Variants in SPECC1L observed in about 807,000 individuals in gnomAD.
The protein encoded by SPECC1L is cytospin-A.
Under a neutral mutation model 116.8 loss-of-function variants are expected in SPECC1L, and 40 were observed. That is an observed-to-expected ratio of 0.34 (90% CI 0.27 to 0.45). SPECC1L has a LOEUF of 0.45. Among genes scored for constraint, SPECC1L ranks in the 20% least tolerant of loss-of-function variants. The pLI is 1.00. For synonymous variants in SPECC1L, 504 were observed against 500.6 expected, an observed-to-expected ratio of 1.01 and a Z score of -0.09; for missense variants, 1,110 against 1,373.6, an observed-to-expected ratio of 0.81 and a Z score of 3.03.
At chr22:24,321,192 A>G (rs1257108968) in intron 4 of SPECC1L, 96 bp from the exon 5 acceptor site, 3 of 1,101,036 alleles carry the variant, frequency 2.7e-6, no homozygotes, top group Non-Finnish European at 3.6e-6. Context: ...TAGATCCTGG[A>G]TTTCATCTCA....
chr22:24,292,344 T>C (rs4049949), intron 2 of SPECC1L, among the ~76,000 whole-genome samples: 3 of 152,238 alleles, frequency 2.0e-5, no homozygotes, highest in Non-Finnish European at 2.9e-5. Flanking sequence ...AATAAGTTGC[T>C]GTCCCTAACC....
intron 4 of SPECC1L, among the ~76,000 whole-genome samples, chr22:24,313,938 C>A (rs909974681): frequency 6.6e-6 from 1 of 151,960 alleles, no homozygotes; most frequent in Non-Finnish European, 1.5e-5. Context: ...GGGGTTTCAC[C>A]ATGTTGGTCA....
intron 2 of SPECC1L, among the ~76,000 whole-genome samples, chr22:24,288,615 CTTTTTTTTTTTTTTTTT>C (rs756714389): frequency 1.8e-4 from 11 of 61,674 alleles, no homozygotes; most frequent in Non-Finnish European, 2.6e-4. Flanking sequence ...AAATTTTAAG[CTTTTTTTTTTTTTTTTT>C]TTTTTTTTTT....
intron 14 of SPECC1L, among the ~76,000 whole-genome samples, chr22:24,385,142 C>A (rs140279416): frequency 0.027 from 4,104 of 150,998 alleles, 75 homozygotes; most frequent in Non-Finnish European, 0.039. Context: ...TTGAAATGAT[C>A]ATATTTTTAA....
intron 4 of SPECC1L, among the ~76,000 whole-genome samples, chr22:24,317,305 C>CA (rs2040602716): frequency 1.0e-5 from 1 of 98,742 alleles, no homozygotes; most frequent in African/African-American, 3.6e-5. Flanking sequence ...GCTGGCCAGG[C>CA]GGGGGGCTGA....
chr22:24,316,604 C>T lies in SPECC1L; in HGVS notation c.307+3138C>T, dbSNP rs5751845. On this transcript the variant is annotated intron_variant, in intron 4 of 16. Transcript: ENST00000314328. ...GAGCACAGGGTTGGGGGTAAGGTCA[C>T]AGATCAACAGGATCCCAAGGCAGAA... Among the ~76,000 whole-genome samples, 1,262 of 144,784 alleles carry T rather than the reference C, an allele frequency of 8.7e-3. 15 individuals carry two copies. The highest frequency in any genetic ancestry group is 0.032 in the South Asian group (132 of 4,134). 95.0% of individuals were successfully genotyped at this position (144,784 alleles called of 152,430 possible).
At chr22:24,382,686 C>CA in intron 14 of SPECC1L, among the ~76,000 whole-genome samples, 1 of 117,278 alleles carries the variant, frequency 8.5e-6, no homozygotes, top group African/African-American at 3.3e-5. Flanking sequence ...GCCTGGGCAA[C>CA]AGAGCAAGAC....
intron 9 of SPECC1L, among the ~76,000 whole-genome samples, chr22:24,337,866 A>G (rs2041091682): frequency 2.6e-5 from 4 of 152,212 alleles, no homozygotes; most frequent in Admixed American, 2.6e-4. Context: ...AGAGACTGAT[A>G]TGCCAACAAG....
In SPECC1L at chr22:24,294,020, T is replaced by G. The variant is rs548315833; in HGVS notation, c.-37-8175T>G. 1.2e-4 allele frequency among the ~76,000 whole-genome samples: 3 copies of G among 25,552 alleles called. No homozygotes were observed. The East Asian group carries it at 1.9e-3, about 16-fold the overall frequency. The allele number at this position is 25,552 out of a possible 152,430, so 16.8% of individuals were successfully genotyped here. ...AGTCAGGTTATAGGACTGCACGGCT[T>G]TTATTCACCGTCCTGTGTCACATGA... On this transcript the variant is annotated intron_variant, in intron 2 of 16. Coordinates refer to ENST00000314328, the MANE Select transcript of SPECC1L (RefSeq NM_015330.6).
At chr22:24,296,063 A>T (rs575500748) in intron 2 of SPECC1L, among the ~76,000 whole-genome samples, 3 of 152,350 alleles carry the variant, frequency 2.0e-5, no homozygotes, top group African/African-American at 7.2e-5. Flanking sequence ...TATGTTGTGA[A>T]ATATTCATTG....
rs1020920098 is a variant in SPECC1L, at chr22:24,322,933, G to C, written c.1938+15G>C. 6.2e-7 allele frequency: 1 copy of C among 1,613,462 alleles called. No individual in the cohort carries two copies. The highest frequency in any genetic ancestry group is 8.5e-7 in the Non-Finnish European group (1 of 1,179,842). On this transcript the variant is annotated intron_variant, in intron 5 of 16. Coordinates refer to ENST00000314328, the MANE Select transcript of SPECC1L (RefSeq NM_015330.6). ...CCATTGCTAAGGTATTGTTTAAATA[G>C]ATTAAAATGTTCCGGACAGCATTAG...
At chr22:24,396,454 C>A (rs536433132) in intron 14 of SPECC1L, among the ~76,000 whole-genome samples, 10 of 152,126 alleles carry the variant, frequency 6.6e-5, no homozygotes, top group African/African-American at 2.2e-4. Context: ...TCTGCCACCA[C>A]GCCCAGCTAA....
chr22:24,355,469 A>C (rs2041513822), intron 11 of SPECC1L, among the ~76,000 whole-genome samples: 1 of 151,472 alleles, frequency 6.6e-6, no homozygotes, highest in African/African-American at 2.4e-5. Context: ...CCACCCACCT[A>C]CCTACCTACC....
At chr22:24,320,036 G>A (rs2040689539) in intron 4 of SPECC1L, among the ~76,000 whole-genome samples, 1 of 152,242 alleles carries the variant, frequency 6.6e-6, no homozygotes, top group Non-Finnish European at 1.5e-5. Flanking sequence ...CACGCTGGGA[G>A]ACCGACGCGG....
rs397955926 is a variant in SPECC1L, at chr22:24,272,666, C to CAA, written c.-142+1697_-142+1698dup. Among the ~76,000 whole-genome samples the CAA allele has an allele frequency of 8.6e-3, 663 of 77,028 alleles. 10 individuals carry two copies. The highest frequency in any genetic ancestry group is 0.023 in the African/African-American group (568 of 24,346). The allele number at this position is 77,028 out of a possible 152,430, so 50.5% of individuals were successfully genotyped here. Reference sequence around the variant, plus strand: ...TGGGCGACAGAGTGAGACTCTGTCTCAAAAAAAAAAAAAAACAGCTATTAC... The same window carrying CAA: ...TGGGCGACAGAGTGAGACTCTGTCTCAAAAAAAAAAAAAAAAACAGCTATTAC... On this transcript the variant is annotated intron_variant, in intron 1 of 16. Transcript: ENST00000314328.
intron 4 of SPECC1L, 50 bp downstream of exon 4, chr22:24,313,516 G>T (rs201251193): frequency 1.8e-5 from 29 of 1,595,614 alleles, no homozygotes; most frequent in Non-Finnish European, 2.4e-5. Context: ...TGTTTGAATG[G>T]GCATGATGCA....
At chr22:24,342,334 A>G (rs2041193599) in intron 10 of SPECC1L, among the ~76,000 whole-genome samples, 1 of 152,222 alleles carries the variant, frequency 6.6e-6, no homozygotes, top group African/African-American at 2.4e-5. Context: ...AAGTATGTGA[A>G]GGGAAGCATG....
rs2040772385 is a variant in SPECC1L at position 24,324,102 on chromosome 22, A to T, written c.1939-118A>T. 5 of 806,242 alleles carry T rather than the reference A, an allele frequency of 6.2e-6. No individual in the cohort carries two copies. In the East Asian group the frequency reaches 7.3e-5, roughly 12 times the overall value. 49.9% of individuals were successfully genotyped at this position (806,242 alleles called of 1,614,324 possible). ...TAACAGTTATTACACAGGTTGTTTT[A>T]GTTTATCCATAGTGCCTCATACTTA... On this transcript the variant is annotated intron_variant, in intron 5 of 16. Transcript: ENST00000314328.
At chr22:24,344,110 G>A (rs544788475) in intron 10 of SPECC1L, among the ~76,000 whole-genome samples, 1 of 152,140 alleles carries the variant, frequency 6.6e-6, no homozygotes, top group South Asian at 2.1e-4. Flanking sequence ...GTTCATTTTA[G>A]GAAGCTAGCA....
Sources: allele counts gnomAD v4.1 joint callset (sites outside exome capture counted in the v4.1 genomes callset), GRCh38; gene constraint gnomAD v4.1.1; transcripts MANE v1.5; gene names NCBI Gene and HGNC (gene_info 2026-07-23, HGNC 2026-07-21).